SPRY3: variants seen among roughly 807,000 people sequenced by gnomAD.
The protein encoded by SPRY3 is protein sprouty homolog 3.
Under a neutral mutation model 20.2 loss-of-function variants are expected in SPRY3, and 15 were observed. That is an observed-to-expected ratio of 0.74 (90% CI 0.50 to 1.14). The LOEUF (loss-of-function observed/expected upper bound fraction) is 1.14, where lower values mean the gene tolerates loss of function less well. SPRY3 is among the 50% of genes most tolerant of loss of function. The pLI is 0.00. For synonymous variants in SPRY3, 143 were observed against 136.5 expected, an observed-to-expected ratio of 1.05 and a Z score of -0.33; for missense variants, 364 against 363.9, an observed-to-expected ratio of 1.00 and a Z score of 0.00.
intron 2 of SPRY3, among the ~76,000 whole-genome samples, chrX:155,677,027 G>C (rs2068060489): frequency 9.0e-6 from 1 of 111,392 alleles, no homozygotes; most frequent in Admixed American, 9.5e-5. Flanking sequence ...TATTCTTTCA[G>C]TCAGTTCGGA....
intron 1 of SPRY3, among the ~76,000 whole-genome samples, chrX:155,624,732 A>G (rs1401025424): frequency 1.8e-5 from 2 of 112,000 alleles, no homozygotes; most frequent in Non-Finnish European, 3.8e-5. Context: ...ATTTTAATGA[A>G]GTAGACAATT....
At chrX:155,633,479 A>AT (rs1569562410) in intron 1 of SPRY3, among the ~76,000 whole-genome samples, 22 of 109,978 alleles carry the variant, frequency 2.0e-4, no homozygotes, top group African/African-American at 7.0e-4. Context: ...CACTGCCATA[A>AT]ATATATACTG....
chrX:155,680,066 A>G (rs1276819436), intron 2 of SPRY3, among the ~76,000 whole-genome samples: 1 of 108,812 alleles, frequency 9.2e-6, no homozygotes, highest in Non-Finnish European at 1.9e-5. Context: ...CAGTTCTTGC[A>G]GGGTTCAAGA....
At chrX:155,651,848 T>C (rs2067978346) in intron 1 of SPRY3, among the ~76,000 whole-genome samples, 1 of 111,927 alleles carries the variant, frequency 8.9e-6, no homozygotes, top group Admixed American at 9.5e-5. Flanking sequence ...GTGTTCATAT[T>C]AGTCCATTCT....
chrX:155,716,549 C>A (rs1467502262), intron 2 of SPRY3, among the ~76,000 whole-genome samples: 2 of 152,054 alleles, frequency 1.3e-5, no homozygotes. Context: ...TATATTTCAT[C>A]AACTTAATTC....
intron 3 of SPRY3, among the ~76,000 whole-genome samples, chrX:155,770,070 G>T (rs978591890): frequency 2.6e-5 from 4 of 152,038 alleles, no homozygotes. Flanking sequence ...GCAGAGCATA[G>T]AAAAAAGCAA....
In SPRY3 at chrX:155,683,289, A is replaced by G. The variant is rs139222717; in HGVS notation, c.-282+26264A>G. ...CTACAGAGAAATATTTGTGAAAGGA[A>G]GAGTCGGTCGAGTGGGCAAATGTCA... On this transcript the variant is annotated intron_variant, in intron 2 of 3. Transcript: ENST00000675360. Among the ~76,000 whole-genome samples, 4 of 111,855 alleles carry G rather than the reference A, an allele frequency of 3.6e-5. No homozygotes were observed. In the East Asian group the frequency reaches 1.1e-3, roughly 31 times the overall value.
At chrX:155,730,589 A>T (rs1296581826) in intron 2 of SPRY3, among the ~76,000 whole-genome samples, 1 of 151,138 alleles carries the variant, frequency 6.6e-6, no homozygotes, top group Non-Finnish European at 1.5e-5. Flanking sequence ...ATCATGCTGA[A>T]TGGGGATCAG....
chrX:155,767,637 G>GGA (rs1247028971), intron 2 of SPRY3, among the ~76,000 whole-genome samples: 1 of 149,304 alleles, frequency 6.7e-6, no homozygotes, highest in Admixed American at 6.7e-5. Context: ...TACTGGAGGG[G>GGA]GAGGGGGAAG....
intron 2 of SPRY3, among the ~76,000 whole-genome samples, chrX:155,726,641 C>T (rs2091099626): frequency 6.6e-6 from 1 of 152,128 alleles, no homozygotes; most frequent in Admixed American, 6.6e-5. Context: ...AGGATTGCAA[C>T]TCCTGCTTTT....
intron 2 of SPRY3, among the ~76,000 whole-genome samples, chrX:155,662,696 A>AAAC (rs1291911775): frequency 9.2e-6 from 1 of 109,049 alleles, no homozygotes; most frequent in Non-Finnish European, 1.9e-5. Context: ...AAAAAAAAAA[A>AAAC]AAAAAAACTC....
At chrX:155,686,221 C>T (rs1453929348) in intron 2 of SPRY3, among the ~76,000 whole-genome samples, 2 of 110,707 alleles carry the variant, frequency 1.8e-5, no homozygotes, top group Non-Finnish European at 3.8e-5. Flanking sequence ...TTTCATAATA[C>T]TTTCTTTAAA....
At chrX:155,766,889 G>A (rs2091334124) in intron 2 of SPRY3, among the ~76,000 whole-genome samples, 1 of 152,124 alleles carries the variant, frequency 6.6e-6, no homozygotes, top group Non-Finnish European at 1.5e-5. Context: ...GCAATGGATG[G>A]GCTGAAAAAG....
chrX:155,652,187 T>G (rs2067979385), intron 1 of SPRY3, among the ~76,000 whole-genome samples: 1 of 111,705 alleles, frequency 9.0e-6, no homozygotes, highest in South Asian at 3.8e-4. Flanking sequence ...GGGATTACAA[T>G]TTGACATTAG....
At chrX:155,743,400 A>T (rs924106894) in intron 2 of SPRY3, among the ~76,000 whole-genome samples, 27 of 152,068 alleles carry the variant, frequency 1.8e-4, no homozygotes, top group African/African-American at 6.5e-4. Context: ...GACTAGAGGT[A>T]TAAATGATGC....
At chrX:155,766,639 A>G (rs1022558664) in intron 2 of SPRY3, among the ~76,000 whole-genome samples, 4 of 152,162 alleles carry the variant, frequency 2.6e-5, no homozygotes, top group Admixed American at 6.5e-5. Flanking sequence ...TTCTGTCTGG[A>G]TGCCCAGAAG....
chrX:155,751,817 T>C (rs1018558019), intron 2 of SPRY3, among the ~76,000 whole-genome samples: 2 of 150,900 alleles, frequency 1.3e-5, no homozygotes, highest in African/African-American at 4.9e-5. Flanking sequence ...CAGGATGCAA[T>C]ATAAAAAAAG....
chrX:155,747,792 G>C (rs1030383780), intron 2 of SPRY3, among the ~76,000 whole-genome samples: 14 of 151,834 alleles, frequency 9.2e-5, no homozygotes, highest in African/African-American at 3.4e-4. Context: ...AAACGTTATT[G>C]AGACACTCTA....
chrX:155,718,458 A>T (rs1343378753), intron 2 of SPRY3, among the ~76,000 whole-genome samples: 1 of 152,176 alleles, frequency 6.6e-6, no homozygotes, highest in African/African-American at 2.4e-5. Context: ...ACACAGACAT[A>T]AACAAATTAA....
Sources: allele counts gnomAD v4.1 joint callset (sites outside exome capture counted in the v4.1 genomes callset), GRCh38; gene constraint gnomAD v4.1.1; transcripts MANE v1.5; gene names NCBI Gene and HGNC (gene_info 2026-07-23, HGNC 2026-07-21).